Variants in BCKDHB observed in about 807,000 individuals in gnomAD.
BCKDHB encodes the protein 2-oxoisovalerate dehydrogenase subunit beta, mitochondrial.
In BCKDHB, 41 loss-of-function variants were observed where a neutral mutation model predicts 48.5. The ratio of observed to expected loss-of-function variants is 0.85; its 90% CI spans 0.66 to 1.10. The LOEUF (loss-of-function observed/expected upper bound fraction) is 1.10, where lower values mean the gene tolerates loss of function less well. Among genes scored for constraint, BCKDHB ranks in the 50% least tolerant of loss-of-function variants. The pLI is 0.00. For missense variants in BCKDHB, 496 were observed against 494.2 expected, an observed-to-expected ratio of 1.00 and a Z score of -0.03; for synonymous variants, 201 against 174.8, an observed-to-expected ratio of 1.15 and a Z score of -1.18.
intron 9 of BCKDHB, among the ~76,000 whole-genome samples, chr6:80,320,005 AT>A (rs1384100488): frequency 1.3e-5 from 2 of 152,196 alleles, no homozygotes; most frequent in African/African-American, 4.8e-5. Context: ...AAATTTGAGT[AT>A]TTTCCCTTTA....
At chr6:80,334,138 T>C (rs1008314944) in intron 9 of BCKDHB, among the ~76,000 whole-genome samples, 57 of 152,270 alleles carry the variant, frequency 3.7e-4, no homozygotes, top group African/African-American at 1.3e-3. Flanking sequence ...CTGAAAGACT[T>C]CTTTGTATAA....
chr6:80,196,702 A>G (rs1280439515), intron 6 of BCKDHB, among the ~76,000 whole-genome samples: 1 of 152,188 alleles, frequency 6.6e-6, no homozygotes, highest in East Asian at 1.9e-4. Flanking sequence ...ATTATAAGCT[A>G]TATAGCAAAT....
intron 8 of BCKDHB, among the ~76,000 whole-genome samples, chr6:80,260,983 A>G (rs946808252): frequency 3.9e-5 from 6 of 152,266 alleles, no homozygotes; most frequent in Admixed American, 2.6e-4. Flanking sequence ...ATAGTATTCA[A>G]AAAGAATAAA....
chr6:80,410,817 A>G, the BCKDHB span, among the ~76,000 whole-genome samples: 1 of 151,992 alleles, frequency 6.6e-6, no homozygotes, highest in South Asian at 2.1e-4. Context: ...TCTTCTCTAC[A>G]CTGTTTATTC....
intron 9 of BCKDHB, among the ~76,000 whole-genome samples, chr6:80,278,694 GA>G (rs1174514557): frequency 6.6e-6 from 1 of 152,096 alleles, no homozygotes; most frequent in Non-Finnish European, 1.5e-5. Context: ...GAGTAGCTGG[GA>G]TTACAGGCAC....
intron 3 of BCKDHB, among the ~76,000 whole-genome samples, chr6:80,153,468 C>T (rs1771891289): frequency 6.6e-6 from 1 of 152,012 alleles, no homozygotes; most frequent in Admixed American, 6.6e-5. Flanking sequence ...AGGATGAGCA[C>T]AGTACATGCC....
intron 9 of BCKDHB, among the ~76,000 whole-genome samples, chr6:80,283,472 T>A (rs981019164): frequency 1.3e-5 from 2 of 152,114 alleles, no homozygotes; most frequent in Non-Finnish European, 2.9e-5. Context: ...CATACCAAGC[T>A]CCTCTACTCT....
chr6:80,418,154 T>C, the BCKDHB span, among the ~76,000 whole-genome samples: 1,687 of 152,316 alleles, frequency 0.011, 17 homozygotes, highest in African/African-American at 0.026. Context: ...ATTATGAAAT[T>C]CTTGTATTGT....
At chr6:80,336,854 G>A (rs1464815140) in intron 9 of BCKDHB, among the ~76,000 whole-genome samples, 4 of 151,926 alleles carry the variant, frequency 2.6e-5, no homozygotes, top group Non-Finnish European at 5.9e-5. Context: ...CTAACATTTG[G>A]GGGAGCATCC....
At chr6:80,380,367 A>T in the BCKDHB span, among the ~76,000 whole-genome samples, 10 of 152,052 alleles carry the variant, frequency 6.6e-5, no homozygotes, top group Admixed American at 6.6e-4. Flanking sequence ...TGATGCTGGG[A>T]AAACTGGCTA....
the BCKDHB span, among the ~76,000 whole-genome samples, chr6:80,425,560 A>T: frequency 6.6e-6 from 1 of 152,212 alleles, no homozygotes; most frequent in Non-Finnish European, 1.5e-5. Context: ...GAAAGATCTA[A>T]AATAGCATGT....
intron 8 of BCKDHB, among the ~76,000 whole-genome samples, chr6:80,272,791 A>G (rs1777804085): frequency 1.3e-5 from 2 of 152,204 alleles, no homozygotes; most frequent in Non-Finnish European, 1.5e-5. Context: ...TTTAACATGA[A>G]GAAAAATATT....
At chr6:80,319,790 G>A (rs898319944) in intron 9 of BCKDHB, among the ~76,000 whole-genome samples, 1 of 152,120 alleles carries the variant, frequency 6.6e-6, no homozygotes, top group Non-Finnish European at 1.5e-5. Context: ...TTTTCTCTCT[G>A]ATTAAGGTGT....
At chr6:80,297,430 G>GT (rs1416918579) in intron 9 of BCKDHB, among the ~76,000 whole-genome samples, 2 of 152,040 alleles carry the variant, frequency 1.3e-5, no homozygotes, top group African/African-American at 2.4e-5. Flanking sequence ...ACTAATCAAA[G>GT]TTTTTTCATA....
chr6:80,212,046 T>A (rs1357582793), intron 8 of BCKDHB, among the ~76,000 whole-genome samples: 1 of 152,060 alleles, frequency 6.6e-6, no homozygotes, highest in Non-Finnish European at 1.5e-5. Context: ...GCAGAACCAC[T>A]GACAAGGGTC....
At chr6:80,307,854 A>G (rs1767955623) in intron 9 of BCKDHB, 2 of 981,766 alleles carry the variant, frequency 2.0e-6, no homozygotes, top group Non-Finnish European at 2.4e-6. Context: ...TGGACTACTT[A>G]ACACTGCAAA....
intron 9 of BCKDHB, among the ~76,000 whole-genome samples, chr6:80,274,844 C>T (rs1202166017): frequency 6.6e-6 from 1 of 151,894 alleles, no homozygotes; most frequent in Non-Finnish European, 1.5e-5. Flanking sequence ...GTCTCTTGGT[C>T]TTAAATAATA....
intron 9 of BCKDHB, among the ~76,000 whole-genome samples, chr6:80,308,600 T>C (rs530654366): frequency 0.015 from 2,193 of 147,418 alleles, 37 homozygotes; most frequent in African/African-American, 0.049. Context: ...TCTTCTTCTT[T>C]TTTTTTTTTT....
intron 6 of BCKDHB, among the ~76,000 whole-genome samples, chr6:80,185,747 G>A (rs1267707353): frequency 6.6e-6 from 1 of 152,188 alleles, no homozygotes; most frequent in Non-Finnish European, 1.5e-5. Flanking sequence ...GCTGGGGAAT[G>A]TCTGCAAAGA....
Sources: gnomAD v4.1 joint callset for allele counts (sites outside exome capture counted in the v4.1 genomes callset) on GRCh38, gnomAD v4.1.1 for gene constraint, MANE v1.5 for transcripts, NCBI Gene and HGNC (gene_info 2026-07-23, HGNC 2026-07-21) for gene names.